The following NCAM2 variants were observed in gnomAD, a reference collection of about 807,000 sequenced individuals.
NCAM2 encodes the protein neural cell adhesion molecule 2.
In NCAM2, 30 loss-of-function variants were observed where a neutral mutation model predicts 98.1. The observed-to-expected ratio is 0.31, with a 90% CI of 0.23 to 0.41. NCAM2 has a LOEUF of 0.41. Among genes scored for constraint, NCAM2 ranks in the 10% least tolerant of loss-of-function variants. The pLI is 1.00. For missense variants in NCAM2, 867 were observed against 1,005.8 expected (o/e 0.86, Z 1.87); for synonymous variants, 368 against 342.4 (o/e 1.07, Z -0.83).
rs1006699842 is a variant in NCAM2, at chr21:21,162,273, G to A, written c.56-118305G>A. On this transcript the variant is annotated intron_variant, in intron 1 of 17. Coordinates refer to ENST00000400546, the MANE Select transcript of NCAM2 (RefSeq NM_004540.5). Reference sequence around the variant, plus strand: ...TATATTTTCACAAAATAAGTTCTAAGATATGATTTCAAAACCACTTTATAG... The same window carrying A: ...TATATTTTCACAAAATAAGTTCTAAAATATGATTTCAAAACCACTTTATAG... Among the ~76,000 whole-genome samples the A allele has an allele frequency of 3.9e-5, 6 of 152,060 alleles. No homozygotes were observed. In the South Asian group the frequency reaches 1.2e-3, roughly 32 times the overall value.
At chr21:21,453,671 T>G (rs1012601201) in intron 12 of NCAM2, among the ~76,000 whole-genome samples, 6 of 152,128 alleles carry the variant, frequency 3.9e-5, no homozygotes, top group Non-Finnish European at 7.4e-5. Flanking sequence ...AAAAGTTACC[T>G]TCTGCCATAT....
Position 21,410,276 on chromosome 21 carries a change from G to A in NCAM2, c.1198G>A (p.Ala400Thr). The A allele has an allele frequency of 1.3e-6, 2 of 1,492,416 alleles. No individual in the cohort carries two copies. Among genetic ancestry groups the A allele is most frequent in the Non-Finnish European group, 1.8e-6 (2 of 1,111,560 alleles). 92.4% of individuals were successfully genotyped at this position (1,492,416 alleles called of 1,614,324 possible). The change falls in exon 10 of 18, where the codon GCC becomes ACC. Residue 400 changes from alanine (A) to threonine (T), a missense_variant and splice_region_variant. This residue lies in a region of NCAM2 where 447 missense variants were observed against 495.7 expected (regional missense o/e 0.90). Transcript: ENST00000400546. ...TATTTTATTATATTGTATTACAGATGCCCCCAAGTTTATATCAAACCAAAC... is the reference window on the plus strand; with the variant it reads ...TATTTTATTATATTGTATTACAGATACCCCCAAGTTTATATCAAACCAAAC... ...QKSMYLDIEY[A>T]PKFISNQTIY...
At chr21:21,364,851 G>T (rs1479008546) in intron 8 of NCAM2, among the ~76,000 whole-genome samples, 3 of 152,152 alleles carry the variant, frequency 2.0e-5, no homozygotes, top group Non-Finnish European at 2.9e-5. Context: ...ATACTTTTTA[G>T]AACTTCCATA....
chr21:21,433,785 T>G (rs900825866), intron 12 of NCAM2, among the ~76,000 whole-genome samples: 8 of 139,524 alleles, frequency 5.7e-5, no homozygotes, highest in Non-Finnish European at 1.3e-4. Context: ...TAAAATAAAA[T>G]AAAATAAAAT....
intron 1 of NCAM2, among the ~76,000 whole-genome samples, chr21:21,121,866 G>A (rs181904012): frequency 2.0e-4 from 30 of 152,292 alleles, no homozygotes; most frequent in African/African-American, 6.7e-4. Flanking sequence ...TACCACAGCC[G>A]AAGGCTCTAG....
chr21:21,151,849 C>G (rs540941559), intron 1 of NCAM2, among the ~76,000 whole-genome samples: 49 of 151,962 alleles, frequency 3.2e-4, no homozygotes, highest in African/African-American at 1.1e-3. Context: ...CTTATTTGTT[C>G]TTTTGTGCAT....
chr21:21,188,557 A>C (rs1025029332), intron 1 of NCAM2, among the ~76,000 whole-genome samples: 2 of 152,178 alleles, frequency 1.3e-5, no homozygotes, highest in African/African-American at 4.8e-5. Context: ...ATAATGCAGG[A>C]TATAATTCTA....
rs553435004 is a variant in NCAM2, at chr21:21,105,675, A to G, written c.55+107057A>G. On this transcript the variant is annotated intron_variant, in intron 1 of 17. Coordinates refer to ENST00000400546, the MANE Select transcript of NCAM2 (RefSeq NM_004540.5). ...TTCATCCTGAGAAATTAAAAAGACT[A>G]ATAAAACTCTTCATTGGCAAGACTG... Among the ~76,000 whole-genome samples, 324 of 152,256 alleles carry G rather than the reference A, an allele frequency of 2.1e-3. 1 individual carries two copies. Among genetic ancestry groups the G allele is most frequent in the African/African-American group, 7.7e-3 (320 of 41,552 alleles).
At chr21:21,390,694 A>G (rs1191588918) in intron 9 of NCAM2, among the ~76,000 whole-genome samples, 1 of 152,200 alleles carries the variant, frequency 6.6e-6, no homozygotes, top group Non-Finnish European at 1.5e-5. Context: ...TCTTTATTCA[A>G]ATCATTTCAA....
intron 1 of NCAM2, among the ~76,000 whole-genome samples, chr21:21,033,628 G>A (rs562778562): frequency 1.4e-4 from 22 of 152,164 alleles, no homozygotes; most frequent in Admixed American, 8.5e-4. Flanking sequence ...ACAGGGTCAG[G>A]GACAGTAAGG....
chr21:21,242,783 G>T (rs547232854), intron 1 of NCAM2, among the ~76,000 whole-genome samples: 1 of 152,210 alleles, frequency 6.6e-6, no homozygotes, highest in Admixed American at 6.5e-5. Context: ...GAATCATACT[G>T]CAATGAATGA....
At chr21:21,504,300 A>C (rs1430575977) in intron 15 of NCAM2, among the ~76,000 whole-genome samples, 1 of 151,958 alleles carries the variant, frequency 6.6e-6, no homozygotes, top group East Asian at 1.9e-4. Context: ...ATTAGAACTG[A>C]TAATATTGTT....
chr21:20,998,444 TGG>T lies in NCAM2; in HGVS notation c.-117_-116del. ...GAGGAGCGCGCGGGCTGCGGGCGGC[TGG>T]GGCACCGCGGGAGCGGCGGCGGCGG... On this transcript the variant is annotated 5_prime_UTR_variant, in exon 1 of 18. Transcript: ENST00000400546. 1.1e-6 allele frequency: 1 copy of T among 906,382 alleles called. No homozygotes were observed. Among genetic ancestry groups the T allele is most frequent in the Non-Finnish European group, 1.7e-6 (1 of 603,340 alleles). The allele number at this position is 906,382 out of a possible 1,614,324, so 56.1% of individuals were successfully genotyped here.
intron 1 of NCAM2, among the ~76,000 whole-genome samples, chr21:21,246,795 A>G (rs2071286901): frequency 6.6e-6 from 1 of 152,198 alleles, no homozygotes; most frequent in Non-Finnish European, 1.5e-5. Context: ...AACTTTTCAG[A>G]AAACTGTCAA....
chr21:21,019,475 T>G (rs1167789811), intron 1 of NCAM2, among the ~76,000 whole-genome samples: 2 of 152,176 alleles, frequency 1.3e-5, no homozygotes, highest in African/African-American at 4.8e-5. Context: ...TGAGGTCTTC[T>G]GCAAGTCATT....
chr21:21,241,198 A>G (rs1301265543), intron 1 of NCAM2, among the ~76,000 whole-genome samples: 2 of 152,182 alleles, frequency 1.3e-5, no homozygotes, highest in South Asian at 2.1e-4. Flanking sequence ...TAGAATGTCA[A>G]GAAAAGAACA....
intron 9 of NCAM2, among the ~76,000 whole-genome samples, chr21:21,378,957 C>A (rs1021496643): frequency 1.3e-5 from 2 of 151,936 alleles, no homozygotes; most frequent in African/African-American, 2.4e-5. Flanking sequence ...ACATGTTATA[C>A]GGTTCGTGTT....
At chr21:21,304,206 C>T (rs1024930439) in intron 5 of NCAM2, among the ~76,000 whole-genome samples, 2 of 151,928 alleles carry the variant, frequency 1.3e-5, no homozygotes, top group East Asian at 1.9e-4. Context: ...CTAAGATTTT[C>T]CCCAATTCTT....
chr21:21,031,805 CTT>C (rs930175315), intron 1 of NCAM2, among the ~76,000 whole-genome samples: 33 of 106,518 alleles, frequency 3.1e-4, no homozygotes, highest in African/African-American at 9.5e-4. Context: ...CACTCACACT[CTT>C]ATACACACAC....
Sources: gnomAD v4.1 joint callset for allele counts (sites outside exome capture counted in the v4.1 genomes callset) on GRCh38, gnomAD v4.1.1 for gene constraint, gnomAD v4.1.1 regional missense constraint, MANE v1.5 for transcripts, NCBI Gene and HGNC (gene_info 2026-07-23, HGNC 2026-07-21) for gene names.